Variants in SPATA7 observed in about 807,000 individuals in gnomAD.
SPATA7 encodes the protein spermatogenesis-associated protein 7.
SPATA7 carries 43 observed loss-of-function variants against 51.8 expected under a neutral mutation model. The observed-to-expected ratio is 0.83, with a 90% confidence interval of 0.65 to 1.07. The LOEUF is 1.07. SPATA7 is among the 50% of genes least tolerant of loss of function. SPATA7 has a pLI of 0.00. For missense variants in SPATA7, 683 were observed against 701.3 expected (o/e 0.97, Z 0.30); for synonymous variants, 230 against 252.8 (o/e 0.91, Z 0.86).
In SPATA7 at chr14:88,385,758, G is replaced by A. The variant is rs2139845732; in HGVS notation, c.-61G>A. On this transcript the variant is annotated 5_prime_UTR_variant, in exon 1 of 12. Transcript: ENST00000393545. ...TCCTCCACTGCCGGGGCTGGGCCCG[G>A]CCGCGGGAAGGACCGAAGGGGATAC... is the stretch of plus-strand genomic sequence containing the variant. The A allele has an allele frequency of 6.5e-7, 1 of 1,540,282 alleles. No individual in the cohort carries two copies. Among genetic ancestry groups the A allele is most frequent in the Non-Finnish European group, 8.9e-7 (1 of 1,125,550 alleles).
downstream of SPATA7, among the ~76,000 whole-genome samples, chr14:88,459,027 C>T (rs879698835): frequency 5.3e-5 from 8 of 152,068 alleles, no homozygotes; most frequent in East Asian, 1.9e-4. Flanking sequence ...TGTAGTTGAG[C>T]GGTTTTGAGT....
downstream of SPATA7, chr14:88,438,522 G>T: frequency 1.0e-6 from 1 of 972,812 alleles, no homozygotes. Context: ...TTTCTGTGCT[G>T]CAATAATAAG....
chr14:88,466,045 A>C (rs967827240), intron 4 of SPATA7: 2 of 151,930 alleles, frequency 1.3e-5, no homozygotes, highest in African/African-American at 4.8e-5. Flanking sequence ...CTGACAGAAA[A>C]GCATTTTCAC....
chr14:88,403,928 A>G (rs1176216097), intron 4 of SPATA7, among the ~76,000 whole-genome samples: 2 of 152,216 alleles, frequency 1.3e-5, no homozygotes, highest in African/African-American at 2.4e-5. Flanking sequence ...AGTAGCAACT[A>G]TGTTAGGTGA....
At chr14:88,444,802 C>T (rs958906458) in intron 3 of SPATA7, among the ~76,000 whole-genome samples, 23 of 152,144 alleles carry the variant, frequency 1.5e-4, no homozygotes, top group East Asian at 1.2e-3. Context: ...TGTAGATATG[C>T]GGCGTTATTT....
intron 4 of SPATA7, among the ~76,000 whole-genome samples, chr14:88,401,533 G>A (rs542189690): frequency 1.9e-4 from 29 of 152,096 alleles, no homozygotes; most frequent in East Asian, 1.5e-3. Flanking sequence ...AAAGGCATAC[G>A]AATTAGAAAG....
At chr14:88,455,669 CT>C (rs200175072), downstream of SPATA7, among the ~76,000 whole-genome samples, 6,139 of 147,000 alleles carry the variant, frequency 0.042, 391 homozygotes, top group African/African-American at 0.14. Context: ...CATAAAATTG[CT>C]TTTTTTTTTA....
At chr14:88,389,557 A>G (rs770860438) in intron 1 of SPATA7, among the ~76,000 whole-genome samples, 5 of 152,166 alleles carry the variant, frequency 3.3e-5, no homozygotes, top group African/African-American at 9.7e-5. Flanking sequence ...TTAGAAACCA[A>G]TGAGTATATG....
In SPATA7 at chr14:88,433,196, G is replaced by T. The variant is rs776604824; in HGVS notation, c.1144G>T (p.Gly382Cys). Residue 382 changes from glycine to cysteine, a missense_variant, in exon 10 of 12, where the codon GGT becomes TGT. Transcript: ENST00000393545. Reference sequence around the variant, plus strand: ...TGTAACAGATGAAATTTTGAAACTTGGTTTATTTTCAAACAGGTTAGTTTT... The same window carrying T: ...TGTAACAGATGAAATTTTGAAACTTTGTTTATTTTCAAACAGGTTAGTTTT... ...EDVTDEILKL[G>C]LFSNRFLERL... 1.2e-6 allele frequency: 2 copies of T among 1,609,214 alleles called. No homozygotes were observed. The highest frequency in any genetic ancestry group is 1.7e-6 in the Non-Finnish European group (2 of 1,177,964).
intron 4 of SPATA7, among the ~76,000 whole-genome samples, chr14:88,406,894 T>C (rs1489359031): frequency 6.6e-6 from 1 of 152,188 alleles, no homozygotes; most frequent in Non-Finnish European, 1.5e-5. Context: ...TTGCTGAGAA[T>C]GATAGTTTCC....
intron 4 of SPATA7, among the ~76,000 whole-genome samples, chr14:88,413,366 A>G (rs2076392661): frequency 6.6e-6 from 1 of 152,206 alleles, no homozygotes; most frequent in African/African-American, 2.4e-5. Flanking sequence ...ATTGGTGTAT[A>G]GAAATGCTAC....
At chr14:88,463,695 A>C (rs1331280825) in intron 4 of SPATA7, among the ~76,000 whole-genome samples, 1 of 152,168 alleles carries the variant, frequency 6.6e-6, no homozygotes, top group Non-Finnish European at 1.5e-5. Flanking sequence ...CTTTTAGAGC[A>C]TATTTTTTAT....
At chr14:88,445,619 G>C (rs1017268867) in intron 3 of SPATA7, among the ~76,000 whole-genome samples, 13 of 151,442 alleles carry the variant, frequency 8.6e-5, no homozygotes, top group Admixed American at 1.3e-4. Flanking sequence ...ATTGGCTGTG[G>C]GTTTGTCATA....
At chr14:88,403,886 A>G (rs1478684189) in intron 4 of SPATA7, among the ~76,000 whole-genome samples, 2 of 152,108 alleles carry the variant, frequency 1.3e-5, no homozygotes, top group African/African-American at 4.8e-5. Context: ...CTAAGACAGT[A>G]CATCTGTGTT....
At chr14:88,461,759 C>G (rs373527213) in intron 4 of SPATA7, among the ~76,000 whole-genome samples, 1 of 152,158 alleles carries the variant, frequency 6.6e-6, no homozygotes, top group African/African-American at 2.4e-5. Context: ...AACCCGGTAC[C>G]TCAGTTGGAA....
chr14:88,448,918 G>A (rs1247648742), intron 3 of SPATA7, among the ~76,000 whole-genome samples: 1 of 152,108 alleles, frequency 6.6e-6, no homozygotes, highest in Non-Finnish European at 1.5e-5. Flanking sequence ...TTTTTGTCCT[G>A]CTTATTTCTA....
chr14:88,463,008 T>C (rs1274853586), intron 4 of SPATA7, among the ~76,000 whole-genome samples: 1 of 152,206 alleles, frequency 6.6e-6, no homozygotes, highest in African/African-American at 2.4e-5. Flanking sequence ...TAAGTATTTT[T>C]TAGAATACAC....
Position 88,444,252 on chromosome 14 carries a change from T to C in SPATA7, c.177+6349T>C, listed in dbSNP as rs1467109912. 3.3e-5 allele frequency among the ~76,000 whole-genome samples: 5 copies of C among 152,196 alleles called. No individual in the cohort carries two copies. In the South Asian group the frequency reaches 8.3e-4, roughly 25 times the overall value. ...ATGGCCAGTGATGGTGAGCAGTTTT[T>C]CATGTGTTTTTTGGCTGCATAAATG... On this transcript the variant is annotated intron_variant, in intron 3 of 3. Transcript: ENST00000554802.
At chr14:88,438,928 C>T (rs1017256322), downstream of SPATA7, among the ~76,000 whole-genome samples, 2 of 152,172 alleles carry the variant, frequency 1.3e-5, no homozygotes, top group Non-Finnish European at 2.9e-5. Context: ...ATCACCTTTA[C>T]CGTGTTCTTT....
Sources: gnomAD v4.1 joint callset for allele counts (sites outside exome capture counted in the v4.1 genomes callset) on GRCh38, gnomAD v4.1.1 for gene constraint, MANE v1.5 for transcripts, NCBI Gene and HGNC (gene_info 2026-07-23, HGNC 2026-07-21) for gene names.